The following KLF12 variants were observed in gnomAD, a reference collection of about 807,000 sequenced individuals.
The protein encoded by KLF12 is KLF transcription factor 12, also known as Krueppel-like factor 12.
A neutral mutation model predicts 37.8 loss-of-function variants in KLF12; 9 were observed. The observed-to-expected ratio is 0.24, with a 90% CI of 0.14 to 0.42. KLF12 has a LOEUF of 0.42. Among genes scored for constraint, KLF12 ranks in the 10% least tolerant of loss-of-function variants. KLF12 has a pLI of 1.00. For synonymous variants in KLF12, 208 were observed against 202.1 expected, an observed-to-expected ratio of 1.03 and a Z score of -0.25; for missense variants, 411 against 516.0, an observed-to-expected ratio of 0.80 and a Z score of 1.97.
intron 3 of KLF12, among the ~76,000 whole-genome samples, chr13:73,861,827 G>A (rs1371845081): frequency 2.0e-5 from 3 of 152,144 alleles, no homozygotes; most frequent in Non-Finnish European, 4.4e-5. Context: ...TATGAATGCT[G>A]ATGGGCATGT....
At chr13:73,919,571 T>C (rs1474232580) in intron 3 of KLF12, among the ~76,000 whole-genome samples, 2 of 152,174 alleles carry the variant, frequency 1.3e-5, no homozygotes, top group Admixed American at 6.5e-5. Context: ...CAAATTAAAA[T>C]TGGCTACATC....
intron 4 of KLF12, among the ~76,000 whole-genome samples, chr13:73,834,049 A>G (rs1053594401): frequency 6.6e-6 from 1 of 152,188 alleles, no homozygotes; most frequent in African/African-American, 2.4e-5. Flanking sequence ...ACTAGTGTCA[A>G]ACACGATGTT....
At chr13:74,216,335 G>T in the KLF12 span, among the ~76,000 whole-genome samples, 1 of 152,154 alleles carries the variant, frequency 6.6e-6, no homozygotes, top group Non-Finnish European at 1.5e-5. Context: ...GTGGGGTTAG[G>T]TTTAAATATT....
the KLF12 span, among the ~76,000 whole-genome samples, chr13:74,228,591 T>C: frequency 2.4e-4 from 37 of 152,238 alleles, no homozygotes; most frequent in South Asian, 4.8e-3. Context: ...AATGAGAATT[T>C]AACTTGTCTG....
chr13:73,758,296 A>G (rs1879315475), intron 6 of KLF12, among the ~76,000 whole-genome samples: 1 of 152,208 alleles, frequency 6.6e-6, no homozygotes, highest in Non-Finnish European at 1.5e-5. Context: ...AAGAAGCAGT[A>G]GTTTAAGCAG....
the KLF12 span, among the ~76,000 whole-genome samples, chr13:74,221,436 C>G: frequency 6.6e-6 from 1 of 151,742 alleles, no homozygotes; most frequent in Non-Finnish European, 1.5e-5. Flanking sequence ...TTTTGGGTCA[C>G]TTGGAATTTC....
At chr13:74,071,892 G>A (rs941924705) in intron 1 of KLF12, among the ~76,000 whole-genome samples, 116 of 152,246 alleles carry the variant, frequency 7.6e-4, no homozygotes, top group Non-Finnish European at 1.1e-3. Flanking sequence ...CAATGGGAAA[G>A]AATGAACAAT....
intron 2 of KLF12, among the ~76,000 whole-genome samples, chr13:73,957,087 AAAGGAAAGGAAAGG>A (rs1890867925): frequency 1.9e-5 from 2 of 103,690 alleles, no homozygotes; most frequent in African/African-American, 2.9e-5. Context: ...AAAGGAAAGG[AAAGGAAAGGAAAGG>A]AAAGAAAGGA....
chr13:73,914,345 G>C (rs548310268), intron 3 of KLF12, among the ~76,000 whole-genome samples: 1 of 152,144 alleles, frequency 6.6e-6, no homozygotes, highest in Non-Finnish European at 1.5e-5. Flanking sequence ...TGCTGCAGGC[G>C]TTCATCAGCA....
At chr13:74,104,693 T>C (rs972211727) in intron 1 of KLF12, among the ~76,000 whole-genome samples, 3 of 152,218 alleles carry the variant, frequency 2.0e-5, no homozygotes, top group African/African-American at 7.2e-5. Context: ...TTCATAAATA[T>C]ACATATAGTG....
the KLF12 span, among the ~76,000 whole-genome samples, chr13:74,279,318 C>A: frequency 2.0e-5 from 3 of 152,146 alleles, no homozygotes; most frequent in Non-Finnish European, 4.4e-5. Context: ...TCTTGGCCTT[C>A]TATCCTGAAT....
At chr13:73,936,464 A>G (rs1889930714) in intron 3 of KLF12, among the ~76,000 whole-genome samples, 1 of 152,130 alleles carries the variant, frequency 6.6e-6, no homozygotes, top group Admixed American at 6.5e-5. Flanking sequence ...CTACTGCTGT[A>G]TGGCCGACCT....
At chr13:73,894,336 C>A (rs1439281491) in intron 3 of KLF12, among the ~76,000 whole-genome samples, 1 of 152,174 alleles carries the variant, frequency 6.6e-6, no homozygotes, top group Non-Finnish European at 1.5e-5. Flanking sequence ...ACCACATTCA[C>A]AATGAAATGA....
chr13:73,826,787 T>C (rs893552220), intron 4 of KLF12, among the ~76,000 whole-genome samples: 23 of 128,046 alleles, frequency 1.8e-4, no homozygotes, highest in East Asian at 1.4e-3. Context: ...CACACACACA[T>C]ATATATTTTT....
At chr13:74,297,521 G>A in the KLF12 span, among the ~76,000 whole-genome samples, 10 of 152,278 alleles carry the variant, frequency 6.6e-5, no homozygotes, top group East Asian at 1.9e-3. Flanking sequence ...GTCTCTATAG[G>A]TACTGTGGAA....
intron 1 of KLF12, among the ~76,000 whole-genome samples, chr13:74,080,812 G>T (rs1874838623): frequency 6.6e-6 from 1 of 152,196 alleles, no homozygotes; most frequent in African/African-American, 2.4e-5. Context: ...AAATTGATCA[G>T]TTTGACAACA....
the KLF12 span, among the ~76,000 whole-genome samples, chr13:74,146,483 A>T: frequency 6.6e-6 from 1 of 152,208 alleles, no homozygotes; most frequent in Non-Finnish European, 1.5e-5. Context: ...ACTGTTGCCG[A>T]AACACTGGGG....
chr13:74,285,984 C>G, the KLF12 span, among the ~76,000 whole-genome samples: 1 of 152,094 alleles, frequency 6.6e-6, no homozygotes, highest in Non-Finnish European at 1.5e-5. Flanking sequence ...CTCAAGTTGT[C>G]TTTTTAGGCA....
At chr13:73,744,544 T>C (rs1244545957) in intron 6 of KLF12, among the ~76,000 whole-genome samples, 1 of 150,832 alleles carries the variant, frequency 6.6e-6, no homozygotes, top group Admixed American at 6.6e-5. Flanking sequence ...GGAGCCTGGG[T>C]CAGCTACCCA....
Sources: allele counts gnomAD v4.1 joint callset (sites outside exome capture counted in the v4.1 genomes callset), GRCh38; gene constraint gnomAD v4.1.1; transcripts MANE v1.5; gene names NCBI Gene and HGNC (gene_info 2026-07-23, HGNC 2026-07-21).